Variants in UBR3 observed in about 807,000 individuals in gnomAD.
UBR3 encodes E3 ubiquitin-protein ligase UBR3.
A neutral mutation model predicts 243.2 loss-of-function variants in UBR3; 85 were observed. The observed-to-expected ratio is 0.35, with a 90% CI of 0.29 to 0.42. The LOEUF (loss-of-function observed/expected upper bound fraction) is 0.42, where lower values mean the gene tolerates loss of function less well. Among genes scored for constraint, UBR3 ranks in the 10% least tolerant of loss-of-function variants. UBR3 has a pLI of 1.00. For missense variants in UBR3, 1,686 were observed against 2,300.8 expected (o/e 0.73, Z 5.47); for synonymous variants, 748 against 799.8 (o/e 0.94, Z 1.09).
At chr2:169,900,944 C>T (rs1032301961) in intron 8 of UBR3, among the ~76,000 whole-genome samples, 7 of 152,138 alleles carry the variant, frequency 4.6e-5, no homozygotes, top group Admixed American at 3.9e-4. Flanking sequence ...ATTTCTTTTA[C>T]ACTCAAAAGC....
At chr2:169,930,451 A>G (rs368170244) in intron 18 of UBR3, among the ~76,000 whole-genome samples, 9 of 151,550 alleles carry the variant, frequency 5.9e-5, no homozygotes, top group Admixed American at 2.0e-4. Context: ...CAGTGGCGCC[A>G]TCATAGCTCA....
intron 1 of UBR3, among the ~76,000 whole-genome samples, chr2:169,831,805 C>T (rs1181601274): frequency 1.3e-5 from 2 of 152,156 alleles, no homozygotes; most frequent in African/African-American, 4.8e-5. Context: ...TTGAACTTTT[C>T]TAAGTTTTTG....
intron 25 of UBR3, among the ~76,000 whole-genome samples, chr2:169,992,989 G>A (rs1438938393): frequency 6.6e-6 from 1 of 152,068 alleles, no homozygotes; most frequent in Non-Finnish European, 1.5e-5. Flanking sequence ...TTGAACTTCT[G>A]GCCTCAAGTA....
chr2:170,076,063 A>G (rs1009114347), intron 36 of UBR3, among the ~76,000 whole-genome samples: 2 of 152,140 alleles, frequency 1.3e-5, no homozygotes, highest in African/African-American at 4.8e-5. Flanking sequence ...CTAAGCCTCA[A>G]CCATTTTCCT....
intron 11 of UBR3, among the ~76,000 whole-genome samples, chr2:169,916,417 T>C (rs12621690): frequency 0.98 from 148,555 of 152,072 alleles, 72,640 homozygotes; most frequent in East Asian, 1. Context: ...CCCTCTTTTC[T>C]CTGCTTTGAC....
intron 2 of UBR3, 59 bp downstream of exon 2, chr2:169,872,434 T>C: frequency 1.6e-6 from 2 of 1,249,278 alleles, no homozygotes. Context: ...TACAAAGTTT[T>C]AGTATTAATT....
At chr2:169,966,270 T>G (rs994752493) in intron 24 of UBR3, among the ~76,000 whole-genome samples, 8 of 152,204 alleles carry the variant, frequency 5.3e-5, no homozygotes, top group African/African-American at 1.9e-4. Flanking sequence ...GTCAGATAGG[T>G]ATAGCTGAAA....
intron 30 of UBR3, among the ~76,000 whole-genome samples, chr2:170,026,227 T>G (rs545031787): frequency 6.6e-6 from 1 of 151,966 alleles, no homozygotes; most frequent in Admixed American, 6.6e-5. Flanking sequence ...AGAAGAGAGT[T>G]AAGAATATAT....
intron 11 of UBR3, 35 bp from the exon 12 acceptor site, chr2:169,923,894 G>A (rs2085802073): frequency 6.7e-6 from 10 of 1,502,044 alleles, no homozygotes; most frequent in African/African-American, 1.4e-5. Flanking sequence ...CTATAAAATA[G>A]TCTTTGACTT....
At chr2:169,899,010 C>G (rs1381981858) in intron 8 of UBR3, among the ~76,000 whole-genome samples, 2 of 137,594 alleles carry the variant, frequency 1.5e-5, no homozygotes, top group Non-Finnish European at 3.1e-5. Context: ...TGGAGTTTCA[C>G]TCTTGTTGCC....
In UBR3 at chr2:169,947,764, A is replaced by G. The variant is rs144708484; in HGVS notation, c.3084+49A>G. On this transcript the variant is annotated intron_variant, in intron 22 of 38. Transcript: ENST00000272793. ...AATAAGAAAAAGCTTTATGTTATGT[A>G]TGTTATGTTGGGATATACTGTTCCT... 97 of 1,378,884 alleles carry G rather than the reference A, an allele frequency of 7.0e-5. No homozygotes were observed. In the African/African-American group the frequency reaches 1.3e-3, roughly 18 times the overall value. 85.4% of individuals were successfully genotyped at this position (1,378,884 alleles called of 1,614,324 possible).
intron 19 of UBR3, among the ~76,000 whole-genome samples, chr2:169,933,469 G>A (rs1167232009): frequency 6.6e-6 from 1 of 152,176 alleles, no homozygotes; most frequent in African/African-American, 2.4e-5. Flanking sequence ...AATAGTTTAC[G>A]GTATTGATGA....
At chr2:169,890,947 C>T (rs1369532385) in intron 5 of UBR3, among the ~76,000 whole-genome samples, 1 of 150,448 alleles carries the variant, frequency 6.6e-6, no homozygotes, top group African/African-American at 2.4e-5. Context: ...GCAGAGATTA[C>T]ATTTAAGAGC....
chr2:169,890,563 A>ATATATG (rs1255881148), intron 5 of UBR3, among the ~76,000 whole-genome samples: 17 of 83,880 alleles, frequency 2.0e-4, no homozygotes, highest in African/African-American at 5.1e-4. Flanking sequence ...ATATATATAT[A>ATATATG]TGTGTATATA....
intron 1 of UBR3, among the ~76,000 whole-genome samples, chr2:169,870,400 A>ATTACAGGCAT (rs1361903855): frequency 1.4e-4 from 21 of 152,094 alleles, no homozygotes; most frequent in African/African-American, 5.1e-4. Context: ...ACATGCTGGG[A>ATTACAGGCAT]TTACAGGCAT....
intron 24 of UBR3, among the ~76,000 whole-genome samples, chr2:169,962,836 A>G (rs180946725): frequency 1.5e-3 from 228 of 151,826 alleles, no homozygotes; most frequent in Non-Finnish European, 2.8e-3. Flanking sequence ...AGTTTTCCTC[A>G]TTTGCCTGAT....
chr2:169,991,736 C>T (rs541502920), intron 25 of UBR3, among the ~76,000 whole-genome samples: 77 of 152,170 alleles, frequency 5.1e-4, no homozygotes, highest in Non-Finnish European at 9.0e-4. Context: ...GCGCCCGCCA[C>T]GATGCCTAGC....
chr2:169,858,725 G>A (rs2082978476), intron 1 of UBR3, among the ~76,000 whole-genome samples: 2 of 151,990 alleles, frequency 1.3e-5, no homozygotes, highest in African/African-American at 4.8e-5. Context: ...TTAGCCTCCT[G>A]AGTAGCTGGG....
chr2:169,870,900 G>A (rs1235596775), intron 1 of UBR3, among the ~76,000 whole-genome samples: 3 of 150,598 alleles, frequency 2.0e-5, no homozygotes, highest in African/African-American at 2.4e-5. Context: ...GTGATGCACC[G>A]GCCTTGGCCT....
Sources: allele counts gnomAD v4.1 joint callset (sites outside exome capture counted in the v4.1 genomes callset), GRCh38; gene constraint gnomAD v4.1.1; transcripts MANE v1.5; gene names NCBI Gene and HGNC (gene_info 2026-07-23, HGNC 2026-07-21).